C2orf80: variants seen among roughly 807,000 people sequenced by gnomAD.
C2orf80 encodes the protein uncharacterized protein C2orf80.
In C2orf80, 28 loss-of-function variants were observed where a neutral mutation model predicts 30.2. The observed-to-expected ratio is 0.93, with a 90% CI of 0.69 to 1.27. The LOEUF is 1.27. Among genes scored for constraint, C2orf80 ranks in the 50% most tolerant of loss-of-function variants. The pLI is 0.00. For missense variants in C2orf80, 220 were observed against 231.0 expected, an observed-to-expected ratio of 0.95 and a Z score of 0.31; for synonymous variants, 80 against 76.4, an observed-to-expected ratio of 1.05 and a Z score of -0.24.
intron 2 of C2orf80, among the ~76,000 whole-genome samples, chr2:208,186,409 A>C (rs1401175409): frequency 3.3e-5 from 5 of 152,216 alleles, no homozygotes; most frequent in Admixed American, 6.5e-5. Flanking sequence ...ACATTTGTTA[A>C]GTACAAGTCA....
At chr2:208,167,293 G>A (rs1461928726) in intron 8 of C2orf80, among the ~76,000 whole-genome samples, 1 of 151,922 alleles carries the variant, frequency 6.6e-6, no homozygotes, top group Non-Finnish European at 1.5e-5. Flanking sequence ...GGAGGCTGAG[G>A]TGGGTGGATC....
chr2:208,181,197 A>G, intron 5 of C2orf80, 21 bp downstream of exon 5: 1 of 1,437,966 alleles, frequency 7.0e-7, no homozygotes, highest in South Asian at 1.1e-5. Context: ...TCATATAGGC[A>G]GATAGTATTC....
At chr2:208,178,721 C>T (rs998559860) in intron 6 of C2orf80, among the ~76,000 whole-genome samples, 1 of 152,026 alleles carries the variant, frequency 6.6e-6, no homozygotes, top group African/African-American at 2.4e-5. Flanking sequence ...CAAGACCAGC[C>T]TGTGGAACAT....
At chr2:208,185,982 T>A (rs1296315964) in intron 2 of C2orf80, among the ~76,000 whole-genome samples, 1 of 152,200 alleles carries the variant, frequency 6.6e-6, no homozygotes, top group African/African-American at 2.4e-5. Flanking sequence ...CAAATATGAC[T>A]CGCATCAGCA....
chr2:208,177,259 C>T (rs937627067), intron 6 of C2orf80, among the ~76,000 whole-genome samples: 6 of 150,032 alleles, frequency 4.0e-5, no homozygotes, highest in African/African-American at 9.8e-5. Context: ...AAAATACAAG[C>T]GGCCAGACGT....
intron 5 of C2orf80, 82 bp downstream of exon 5, chr2:208,181,136 A>T (rs1696544730): frequency 9.8e-7 from 1 of 1,020,726 alleles, no homozygotes; most frequent in Non-Finnish European, 1.5e-6. Flanking sequence ...TGGTTGAAAA[A>T]TAATGTAAAT....
chr2:208,166,843 G>T (rs1225216581), intron 8 of C2orf80, among the ~76,000 whole-genome samples: 1 of 151,954 alleles, frequency 6.6e-6, no homozygotes, highest in Non-Finnish European at 1.5e-5. Flanking sequence ...GTAGAGATGG[G>T]GTTTCACCAT....
rs372332006 is a variant in C2orf80, at chr2:208,177,071, G to T, written c.366+3674C>A. ...ACTATATACATATGTATACATATACGTATATAGATAATGTATACATATATA... is the reference window on the plus strand; with the variant it reads ...ACTATATACATATGTATACATATACTTATATAGATAATGTATACATATATA... On this transcript the variant is annotated intron_variant, in intron 6 of 8. Transcript: ENST00000341287. Among the ~76,000 whole-genome samples, 3 of 131,030 alleles carry T rather than the reference G, an allele frequency of 2.3e-5. No individual in the cohort carries two copies. The East Asian group carries it at 7.2e-4, about 31-fold the overall frequency. 86.0% of individuals were successfully genotyped at this position (131,030 alleles called of 152,430 possible).
intron 2 of C2orf80, 27 bp downstream of exon 2, chr2:208,186,919 A>G (rs1463637477): frequency 1.2e-6 from 2 of 1,604,206 alleles, no homozygotes; most frequent in South Asian, 2.2e-5. Flanking sequence ...AGTGTCATAA[A>G]TGAAAGTTAT....
chr2:208,189,915 G>A, intron 1 of C2orf80, 38 bp downstream of exon 1: 1 of 702,876 alleles, frequency 1.4e-6, no homozygotes, highest in Non-Finnish European at 2.6e-6. Context: ...TCTATTAAGT[G>A]CCTGCTCTTA....
intron 6 of C2orf80, among the ~76,000 whole-genome samples, chr2:208,173,349 G>T (rs991324197): frequency 7.2e-5 from 11 of 152,134 alleles, no homozygotes; most frequent in Admixed American, 3.9e-4. Context: ...TCAAGGCTGG[G>T]TGTGGAGGCT....
intron 2 of C2orf80, among the ~76,000 whole-genome samples, chr2:208,185,488 C>A (rs898638178): frequency 2.0e-5 from 3 of 152,164 alleles, no homozygotes; most frequent in African/African-American, 7.2e-5. Flanking sequence ...AATGCAAATA[C>A]CCTTAGGAGG....
intron 8 of C2orf80, among the ~76,000 whole-genome samples, chr2:208,170,358 C>A (rs917863363): frequency 5.9e-5 from 9 of 152,172 alleles, no homozygotes; most frequent in Admixed American, 5.9e-4. Flanking sequence ...AACAAAGAGC[C>A]CTCCTCCCTT....
intron 8 of C2orf80, among the ~76,000 whole-genome samples, chr2:208,167,878 G>C (rs1396690771): frequency 3.1e-4 from 3 of 9,734 alleles, no homozygotes; most frequent in African/African-American, 6.7e-4. Context: ...GCCTGGCTGT[G>C]ATTTTTTTTT....
rs1177780286 is a variant in C2orf80, at chr2:208,188,448, A to ATTTTTTTTT, written c.-75-1396_-75-1388dup. Among the ~76,000 whole-genome samples, 222 of 140,164 alleles carry ATTTTTTTTT rather than the reference A, an allele frequency of 1.6e-3. 2 individuals are homozygous for ATTTTTTTTT. Among genetic ancestry groups the ATTTTTTTTT allele is most frequent in the African/African-American group, 5.7e-3 (220 of 38,382 alleles). The allele number at this position is 140,164 out of a possible 152,430, so 92.0% of individuals were successfully genotyped here. On this transcript the variant is annotated intron_variant, in intron 1 of 8. Coordinates refer to ENST00000341287, the MANE Select transcript of C2orf80 (RefSeq NM_001099334.3). ...CCCTAGGCCACCTTCATTATTTTGG[A>ATTTTTTTTT]TTTTTTTTTTTTTTTTGAGACGGAG... is the stretch of plus-strand genomic sequence containing the variant.
At chr2:208,174,672 C>T (rs73065226) in intron 6 of C2orf80, among the ~76,000 whole-genome samples, 11,557 of 152,258 alleles carry the variant, frequency 0.076, 1,321 homozygotes, top group East Asian at 0.57. Context: ...TCCGAAGACA[C>T]ACAGCTAGCA....
chr2:208,174,716 T>C (rs1429618748), intron 6 of C2orf80, among the ~76,000 whole-genome samples: 1 of 152,210 alleles, frequency 6.6e-6, no homozygotes. Flanking sequence ...TCAGTCTGTT[T>C]GCCTGTGACA....
intron 3 of C2orf80, among the ~76,000 whole-genome samples, chr2:208,183,467 G>A (rs1320345007): frequency 6.6e-6 from 1 of 152,058 alleles, no homozygotes; most frequent in Non-Finnish European, 1.5e-5. Context: ...TTTTAACATA[G>A]TAAAAGGTAA....
intron 3 of C2orf80, among the ~76,000 whole-genome samples, 156 bp from the exon 4 acceptor site, chr2:208,183,203 A>ATTTT (rs71036988): frequency 4.6e-4 from 67 of 145,606 alleles, no homozygotes; most frequent in Admixed American, 6.2e-4. Flanking sequence ...GCTCGGCCAG[A>ATTTT]TTTTTTTTTT....
Sources: gnomAD v4.1 joint callset for allele counts (sites outside exome capture counted in the v4.1 genomes callset) on GRCh38, gnomAD v4.1.1 for gene constraint, MANE v1.5 for transcripts, NCBI Gene and HGNC (gene_info 2026-07-23, HGNC 2026-07-21) for gene names.